MUC6: variants seen among roughly 807,000 people sequenced by gnomAD.
The protein encoded by MUC6 is mucin-6.
A neutral mutation model predicts 201.5 loss-of-function variants in MUC6; 188 were observed. That is an observed-to-expected ratio of 0.93 (90% CI 0.83 to 1.05). The LOEUF is 1.05. Among genes scored for constraint, MUC6 ranks in the 50% least tolerant of loss-of-function variants. MUC6 has a pLI of 0.00. For synonymous variants in MUC6, 1,228 were observed against 1,389.4 expected, an observed-to-expected ratio of 0.88 and a Z score of 2.58; for missense variants, 2,706 against 3,256.9, an observed-to-expected ratio of 0.83 and a Z score of 4.12.
At chr11:1,032,161 T>C in intron 2 of MUC6, 108 bp from the exon 3 acceptor site, 2 of 1,444,950 alleles carry the variant, frequency 1.4e-6, no homozygotes, top group South Asian at 1.3e-5. Flanking sequence ...GGTTTTTGAG[T>C]TGGGGCCAGG....
At position 1,019,128 on chromosome 11, in the gene MUC6, C is replaced by G. The variant is rs1449848002; in HGVS notation, c.4030+147G>C. Reference sequence around the variant, plus strand: ...GAGTGCCAGGCGGCCTTCCTTGCCTCCAGCTCCAGCCTACACTTTTGGGCT... The same window carrying G: ...GAGTGCCAGGCGGCCTTCCTTGCCTGCAGCTCCAGCCTACACTTTTGGGCT... On this transcript the variant is annotated intron_variant, in intron 30 of 32. Coordinates refer to ENST00000421673, the MANE Select transcript of MUC6 (RefSeq NM_005961.3). The G allele has an allele frequency of 5.9e-6, 6 of 1,019,880 alleles. No homozygotes were observed. In the South Asian group the frequency reaches 6.5e-5, roughly 11 times the overall value. 63.2% of individuals were successfully genotyped at this position (1,019,880 alleles called of 1,614,324 possible).
rs1232744174 is a variant in MUC6 at position 1,016,508 on chromosome 11, G to C, written c.6293C>G (p.Ser2098Cys). Residue 2098 changes from serine (S) to cysteine (C), a missense_variant, in exon 31 of 33, where the codon TCT becomes TGT. Transcript: ENST00000421673. ...AGGTGATGACGGTGGCCTTGAGCTA[G>C]AGTTCTGAGGCAGCCAAGACGAGGA... is the stretch of plus-strand genomic sequence containing the variant. The part of the protein sequence containing the change: ...ISSSSWLPQN[S>C]SSRPPSSPIT... 6.3e-7 allele frequency: 1 copy of C among 1,589,574 alleles called. No homozygotes were observed. The highest frequency in any genetic ancestry group is 8.5e-7 in the Non-Finnish European group (1 of 1,172,032).
In MUC6 at chr11:1,025,354, A is replaced by G; in HGVS notation, c.2813T>C (p.Val938Ala). Residue 938 changes from valine (V) to alanine (A), a missense_variant, in exon 23 of 33, where the codon GTG becomes GCG. By Grantham distance (64) the Val-to-Ala change is moderately conservative (BLOSUM62 0). Coordinates refer to ENST00000421673, the MANE Select transcript of MUC6 (RefSeq NM_005961.3). ...GACCGTGTAGTTTCTGTCCGCCAGC[A>G]CCACGGACAGGCCCTGTGGGGTGGG... Reference protein sequence around the residue: ...IKIFLGGLSVVLADRNYTVTG... With the variant: ...IKIFLGGLSVALADRNYTVTG... 1 of 1,610,048 alleles carries G rather than the reference A, an allele frequency of 6.2e-7. No individual in the cohort carries two copies. The highest frequency in any genetic ancestry group is 8.5e-7 in the Non-Finnish European group (1 of 1,178,062).
Position 1,019,244 on chromosome 11 carries a change from A to G in MUC6, c.4030+31T>C, listed in dbSNP as rs1408893816. The G allele has an allele frequency of 4.4e-6, 7 of 1,606,376 alleles. No individual in the cohort carries two copies. The African/African-American group carries it at 9.4e-5, about 21-fold the overall frequency. ...GGTGGTGGGACCGGGTGCCTTCGGC[A>G]GTGCTGGCATCCCATGGCGCCATGA... is the stretch of plus-strand genomic sequence containing the variant. On this transcript the variant is annotated intron_variant, in intron 30 of 32. Coordinates refer to ENST00000421673, the MANE Select transcript of MUC6 (RefSeq NM_005961.3).
rs938925814 is a variant in MUC6 at position 1,036,645 on chromosome 11, C to G, written c.11G>C (p.Arg4Pro). 1 of 1,547,436 alleles carries G rather than the reference C, an allele frequency of 6.5e-7. No homozygotes were observed. The highest frequency in any genetic ancestry group is 8.7e-7 in the Non-Finnish European group (1 of 1,146,480). MVQ[R>P]WLLLSCCGAL... ...TCCGCAGCAGGACAGCAGCAGCCAC[C>G]GCTGGACCATGGTGCACAGTGGAGA... Residue 4 changes from arginine (R) to proline (P), a missense_variant, in exon 1 of 33, where the codon CGG becomes CCG. Coordinates refer to ENST00000421673, the MANE Select transcript of MUC6 (RefSeq NM_005961.3).
rs923205515 is a variant in MUC6, at chr11:1,013,469, G to A, written c.7307C>T (p.Ala2436Val). Residue 2436 changes from alanine (A) to valine (V), a missense_variant, in exon 33 of 33, where the codon GCC becomes GTC. By Grantham distance (64) the Ala-to-Val change is moderately conservative. Around this residue, in one of 10 missense-constraint regions of MUC6, gnomAD observed 586 missense variants for 488.0 expected, o/e 1.20. Coordinates refer to ENST00000421673, the MANE Select transcript of MUC6 (RefSeq NM_005961.3). ...GCAGCGACCCTGCTAGTCTCCACAG[G>A]CCACAGAGCTGCACACGCAGTGGCT... ...VFSHCVCSSV[A>V]CGD 1.3e-6 allele frequency: 2 copies of A among 1,582,720 alleles called. No individual in the cohort carries two copies. Among genetic ancestry groups the A allele is most frequent in the African/African-American group, 2.7e-5 (2 of 74,148 alleles).
At chr11:1,019,947 C>T in intron 29 of MUC6, 143 bp downstream of exon 29, 1 of 1,161,264 alleles carries the variant, frequency 8.6e-7, no homozygotes, top group Non-Finnish European at 1.2e-6. Flanking sequence ...GTTTGGCTCC[C>T]AAGCATAGGA....
rs1327378537 is a variant in MUC6 at position 1,016,167 on chromosome 11, G to T, written c.6634C>A (p.Leu2212Ile). 6 of 1,613,596 alleles carry T rather than the reference G, an allele frequency of 3.7e-6. No homozygotes were observed. The East Asian group carries it at 1.1e-4, about 30-fold the overall frequency. ...PAASTTIRAT[L>I]PHTISSPFTL... ...AAAGGAGAGGAGATAGTGTGGGGGA[G>T]AGTGGCCCTAATGGTAGTAGAGGCA... is the stretch of plus-strand genomic sequence containing the variant. Residue 2212 changes from leucine (L) to isoleucine (I), a missense_variant, in exon 31 of 33, where the codon CTC becomes ATC. Around this residue, in one of 10 missense-constraint regions of MUC6, gnomAD observed 586 missense variants for 488.0 expected, o/e 1.20. Coordinates refer to ENST00000421673, the MANE Select transcript of MUC6 (RefSeq NM_005961.3).
At position 1,024,025 on chromosome 11, in the gene MUC6, A is replaced by G. The variant is rs376792720; in HGVS notation, c.3304T>C (p.Cys1102Arg). Residue 1102 changes from cysteine (C) to arginine (R), a missense_variant, in exon 25 of 33, where the codon TGC becomes CGC. By Grantham distance (180) the Cys-to-Arg change is radical (BLOSUM62 -3). This residue lies in a region of MUC6 where 1,850 missense variants were observed against 1,958.3 expected (regional missense o/e 0.94). Coordinates refer to ENST00000421673, the MANE Select transcript of MUC6 (RefSeq NM_005961.3). Reference sequence around the variant, plus strand: ...TGGGCGTAGGCAGCCACGGCATCGCACAGACACTCACAGTCCCCGCCACTG... The same window carrying G: ...TGGGCGTAGGCAGCCACGGCATCGCGCAGACACTCACAGTCCCCGCCACTG... ...CDSGGDCECL[C>R]DAVAAYAQAC... is the part of the protein sequence containing the mutation. 3.9e-5 allele frequency: 63 copies of G among 1,611,476 alleles called. No homozygotes were observed. Among genetic ancestry groups the G allele is most frequent in the Non-Finnish European group, 5.3e-5 (62 of 1,179,466 alleles).
At position 1,021,422 on chromosome 11, in the gene MUC6, G is replaced by A. The variant is rs147788780; in HGVS notation, c.3527-145C>T. 3.7e-3 allele frequency: 1,765 copies of A among 482,364 alleles called. 34 individuals carry two copies. Among genetic ancestry groups the A allele is most frequent in the African/African-American group, 0.032 (1,575 of 48,840 alleles). 29.9% of individuals were successfully genotyped at this position (482,364 alleles called of 1,614,324 possible). On this transcript the variant is annotated intron_variant, in intron 26 of 32. Transcript: ENST00000421673. ...GTCTCGCTCTGTCGCCCAGGCTGGA[G>A]TGCAGTGGCACAATCTTCGCTCACT...
At chr11:1,021,185 A>G (rs756745850) in intron 27 of MUC6, 30 bp downstream of exon 27, 2 of 1,542,524 alleles carry the variant, frequency 1.3e-6, no homozygotes, top group Non-Finnish European at 1.7e-6. Flanking sequence ...AGGCAGGGGC[A>G]GGGTTCTCAG....
Position 1,024,910 on chromosome 11 carries a change from C to T in MUC6, c.3159G>A (p.Arg1053=). 6.2e-7 allele frequency: 1 copy of T among 1,612,814 alleles called. No individual in the cohort carries two copies. Among genetic ancestry groups the T allele is most frequent in the East Asian group, 2.2e-5 (1 of 44,884 alleles). ...TGCACTTGCGCTCGGCCCAGGAGCGCCGGAAGGCATTGAGACTGCAGGGGT... is the reference window on the plus strand; with the variant it reads ...TGCACTTGCGCTCGGCCCAGGAGCGTCGGAAGGCATTGAGACTGCAGGGGT... The part of the protein sequence containing the change: ...VTDPCSLNAF[R]RSWAERKCSV... Residue 1053 remains arginine, a synonymous_variant, in exon 24 of 33, where the codon CGG becomes CGA. Transcript: ENST00000421673.
Position 1,028,336 on chromosome 11 carries a change from A to G in MUC6, c.1643T>C (p.Met548Thr), listed in dbSNP as rs983598437. 9.3e-6 allele frequency: 15 copies of G among 1,612,614 alleles called. No homozygotes were observed. Among genetic ancestry groups the G allele is most frequent in the Non-Finnish European group, 1.3e-5 (15 of 1,179,828 alleles). Reference protein sequence around the residue: ...GDTTDDFTTSMGIAEGTASLF... With the variant: ...GDTTDDFTTSTGIAEGTASLF... ...CGAGGCGGTGCCCTCGGCGATACCC[A>G]TGCTAGTGGTGAAGTCATCCGTTGT... The change falls in exon 14 of 33, where the codon ATG becomes ACG. Residue 548 changes from methionine (M) to threonine (T), a missense_variant. Met to Thr is a moderately conservative substitution (Grantham distance 81). Around this residue, in one of 10 missense-constraint regions of MUC6, gnomAD observed 1,850 missense variants for 1,958.3 expected, o/e 0.94. Coordinates refer to ENST00000421673, the MANE Select transcript of MUC6 (RefSeq NM_005961.3).
At chr11:1,032,323 C>T (rs907770107) in intron 2 of MUC6, among the ~76,000 whole-genome samples, 72 of 151,938 alleles carry the variant, frequency 4.7e-4, no homozygotes, top group African/African-American at 1.7e-3. Flanking sequence ...GTGCGTGTCT[C>T]GGGTGTGTGC....
At position 1,019,424 on chromosome 11, in the gene MUC6, G is replaced by A. The variant is rs746417317; in HGVS notation, c.3881C>T (p.Ser1294Leu). The change falls in exon 30 of 33, where the codon TCG becomes TTG. Residue 1294 changes from serine to leucine, a missense_variant. Physicochemically the swap from Ser to Leu is moderately radical, Grantham distance 145. Coordinates refer to ENST00000421673, the MANE Select transcript of MUC6 (RefSeq NM_005961.3). ...GGTCACTGTGGGTTTTGTGGCTGTC[G>A]ATCTCAGTGTGGCTGTGGGAGGCAG... ...SGLPPTATLR[S>L]TATKPTVTQA... 13 of 1,613,764 alleles carry A rather than the reference G, an allele frequency of 8.1e-6. No individual in the cohort carries two copies. Among genetic ancestry groups the A allele is most frequent in the South Asian group, 3.3e-5 (3 of 91,070 alleles).
chr11:1,013,187 A>T lies in MUC6; in HGVS notation c.*269T>A. 1.9e-6 allele frequency: 1 copy of T among 521,376 alleles called. No homozygotes were observed. The highest frequency in any genetic ancestry group is 3.4e-6 in the Non-Finnish European group (1 of 296,776). 32.3% of individuals were successfully genotyped at this position (521,376 alleles called of 1,614,324 possible). A position where few individuals can be genotyped will look rare whatever the true frequency, so the allele number is the denominator to read the frequency against. On this transcript the variant is annotated 3_prime_UTR_variant, in exon 33 of 33. Coordinates refer to ENST00000421673, the MANE Select transcript of MUC6 (RefSeq NM_005961.3). ...TGGACGGTGGGCAGGGGTGGTCGGG[A>T]GTGCCCTGTGTGCCTGGGAGGTCCG...
chr11:1,030,498 C>T, intron 7 of MUC6, 75 bp downstream of exon 7: 1 of 1,448,040 alleles, frequency 6.9e-7, no homozygotes, highest in Non-Finnish European at 9.2e-7. Context: ...TCACGTCAGG[C>T]AGTCCAGGGG....
intron 18 of MUC6, 37 bp downstream of exon 18, chr11:1,027,104 C>A: frequency 6.2e-7 from 1 of 1,611,342 alleles, no homozygotes; most frequent in Non-Finnish European, 8.5e-7. Flanking sequence ...CGGGGCCCCT[C>A]ACAGTCCCAG....
rs772581206 is a variant in MUC6 at position 1,019,307 on chromosome 11, G to A, written c.3998C>T (p.Thr1333Ile). 1.2e-5 allele frequency: 19 copies of A among 1,613,958 alleles called. No individual in the cohort carries two copies. In the African/African-American group the frequency reaches 2.3e-4, roughly 19 times the overall value. ...GGGGCTTGTCCCTGATGTGGCTGGG[G>A]TTGGTAGTGTCATTGTGGTCCGTGT... ...STTRTTMTLPTPATSGTSPTL... is the reference protein window; with the variant it reads ...STTRTTMTLPIPATSGTSPTL... Residue 1333 changes from threonine to isoleucine, a missense_variant, in exon 30 of 33, where the codon ACC (threonine) becomes ATC (isoleucine). Transcript: ENST00000421673.
Sources: allele counts gnomAD v4.1 joint callset (sites outside exome capture counted in the v4.1 genomes callset), GRCh38; gene constraint gnomAD v4.1.1; regional missense constraint gnomAD v4.1.1; transcripts MANE v1.5; gene names NCBI Gene and HGNC (gene_info 2026-07-23, HGNC 2026-07-21).